The following PIK3C2G variants were observed in gnomAD, a reference collection of about 807,000 sequenced individuals.
PIK3C2G encodes the protein phosphatidylinositol-4-phosphate 3-kinase catalytic subunit type 2 gamma, also known as phosphatidylinositol 3-kinase C2 domain-containing subunit gamma.
PIK3C2G carries 168 observed loss-of-function variants against 181.1 expected under a neutral mutation model. The observed-to-expected ratio is 0.93, with a 90% CI of 0.82 to 1.05. The LOEUF is 1.05. Ranked by LOEUF, PIK3C2G falls within the 50% of genes least tolerant of loss-of-function variation. The pLI is 0.00. For missense variants in PIK3C2G, 1,869 were observed against 1,732.8 expected, an observed-to-expected ratio of 1.08 and a Z score of -1.40; for synonymous variants, 573 against 592.2, an observed-to-expected ratio of 0.97 and a Z score of 0.47.
rs542148275 is a variant in PIK3C2G at position 18,615,577 on chromosome 12, T to C, written c.4182+5948T>C. 1.2e-4 allele frequency among the ~76,000 whole-genome samples: 19 copies of C among 152,146 alleles called. No homozygotes were observed. In the South Asian group the frequency reaches 3.5e-3, roughly 28 times the overall value. On this transcript the variant is annotated intron_variant, in intron 31 of 32. Transcript: ENST00000538779. ...TTTCATATAATGACTTCTTTTCCTC[T>C]GGGTAGGTGCCCAGTAGTGAGATTG...
downstream of PIK3C2G, among the ~76,000 whole-genome samples, chr12:18,650,676 G>A (rs1299973649): frequency 8.6e-5 from 3 of 34,706 alleles, no homozygotes; most frequent in Non-Finnish European, 1.3e-4. Flanking sequence ...GTGTGTGTGT[G>A]TGTGTGTGTG....
intron 25 of PIK3C2G, among the ~76,000 whole-genome samples, chr12:18,539,667 T>G (rs1042615202): frequency 2.0e-5 from 3 of 151,928 alleles, no homozygotes; most frequent in African/African-American, 7.2e-5. Flanking sequence ...CATTGGTTAG[T>G]ACAGAACAAA....
At chr12:18,307,851 C>T (rs1405023104) in intron 5 of PIK3C2G, among the ~76,000 whole-genome samples, 1 of 151,702 alleles carries the variant, frequency 6.6e-6, no homozygotes, top group Non-Finnish European at 1.5e-5. Flanking sequence ...TTTCTACTAG[C>T]CACACTAAGA....
intron 1 of PIK3C2G, among the ~76,000 whole-genome samples, chr12:18,248,446 C>A (rs1948063561): frequency 6.6e-6 from 1 of 151,936 alleles, no homozygotes; most frequent in Non-Finnish European, 1.5e-5. Context: ...AGGTGGCGGG[C>A]GCTGTAGTCC....
intron 16 of PIK3C2G, among the ~76,000 whole-genome samples, chr12:18,420,581 T>C (rs1316998851): frequency 1.3e-5 from 2 of 152,142 alleles, no homozygotes; most frequent in African/African-American, 2.4e-5. Context: ...AGATTTCCAG[T>C]TGGTAATAAC....
chr12:18,706,164 G>T, the PIK3C2G span, among the ~76,000 whole-genome samples: 1 of 150,420 alleles, frequency 6.6e-6, no homozygotes, highest in Non-Finnish European at 1.5e-5. Context: ...ACCGGGAGGT[G>T]GAGGTTGCAG....
intron 14 of PIK3C2G, among the ~76,000 whole-genome samples, chr12:18,387,749 T>C (rs1943268053): frequency 6.6e-6 from 1 of 152,226 alleles, no homozygotes; most frequent in Non-Finnish European, 1.5e-5. Context: ...TGATCTCTGA[T>C]GGCATTGAAG....
At chr12:18,331,588 A>G (rs1937974171) in intron 8 of PIK3C2G, among the ~76,000 whole-genome samples, 1 of 151,992 alleles carries the variant, frequency 6.6e-6, no homozygotes, top group African/African-American at 2.4e-5. Flanking sequence ...TACATATACA[A>G]TCATGTCATC....
intron 11 of PIK3C2G, among the ~76,000 whole-genome samples, chr12:18,347,987 T>C (rs1320828380): frequency 2.0e-5 from 3 of 152,054 alleles, no homozygotes; most frequent in Non-Finnish European, 2.9e-5. Flanking sequence ...TTATTCTTTT[T>C]CCTTTTATAA....
At chr12:18,449,028 G>A (rs1343808471) in intron 18 of PIK3C2G, among the ~76,000 whole-genome samples, 2 of 151,896 alleles carry the variant, frequency 1.3e-5, no homozygotes, top group Non-Finnish European at 2.9e-5. Flanking sequence ...TGGATCATAT[G>A]GTAGTTCTAT....
At chr12:18,595,774 C>A (rs1483360137) in intron 30 of PIK3C2G, among the ~76,000 whole-genome samples, 1 of 152,056 alleles carries the variant, frequency 6.6e-6, no homozygotes, top group African/African-American at 2.4e-5. Context: ...TCTTGAAATT[C>A]TTAATAAGTT....
At position 18,362,833 on chromosome 12, in the gene PIK3C2G, C is replaced by T. The variant is rs1027191225; in HGVS notation, c.1695C>T (p.Tyr565=). Residue 565 remains tyrosine (Y), a synonymous_variant, in exon 12 of 33, where the codon TAC becomes TAT. Coordinates refer to ENST00000538779, the MANE Select transcript of PIK3C2G (RefSeq NM_001288772.2). ...AGKKLCQVRN[Y]RNIPDKKLFF... ...AGAAGCTGTGCCAAGTGAGAAACTA[C>T]AGAAATATTCCAGACAAGAAATTAT... is the stretch of plus-strand genomic sequence containing the variant. The T allele has an allele frequency of 1.3e-6, 2 of 1,519,930 alleles. No homozygotes were observed. Among genetic ancestry groups the T allele is most frequent in the African/African-American group, 1.4e-5 (1 of 72,354 alleles). The allele number at this position is 1,519,930 out of a possible 1,614,324, so 94.2% of individuals were successfully genotyped here.
chr12:18,470,859 T>C (rs1938385815), intron 18 of PIK3C2G, among the ~76,000 whole-genome samples: 1 of 152,160 alleles, frequency 6.6e-6, no homozygotes, highest in Admixed American at 6.6e-5. Context: ...AAATCAAAAT[T>C]AAATATTATA....
At chr12:18,425,370 T>C (rs1945737172) in intron 18 of PIK3C2G, among the ~76,000 whole-genome samples, 1 of 147,708 alleles carries the variant, frequency 6.8e-6, no homozygotes, top group Non-Finnish European at 1.5e-5. Context: ...TTTCTCTAGC[T>C]AAAGGACAGA....
chr12:18,542,501 C>T (rs761074599), intron 25 of PIK3C2G, among the ~76,000 whole-genome samples: 9 of 151,758 alleles, frequency 5.9e-5, no homozygotes, highest in African/African-American at 1.5e-4. Context: ...ATTATTTCAT[C>T]GCCCAGGTAT....
rs1311430045 is a variant in PIK3C2G at position 18,599,008 on chromosome 12, G to C, written c.4087+4439G>C. Among the ~76,000 whole-genome samples the C allele has an allele frequency of 5.9e-3, 887 of 150,670 alleles. 2 individuals are homozygous for C. Among genetic ancestry groups the C allele is most frequent in the Middle Eastern group, 0.01 (3 of 290 alleles). ...AAAAGTCAGGAAACAACAGGTGCTGGAGAGGATGTGGAGAAATAGGAACAC... is the reference window on the plus strand; with the variant it reads ...AAAAGTCAGGAAACAACAGGTGCTGCAGAGGATGTGGAGAAATAGGAACAC... On this transcript the variant is annotated intron_variant, in intron 30 of 32. Transcript: ENST00000538779.
intron 1 of PIK3C2G, among the ~76,000 whole-genome samples, chr12:18,280,576 T>C (rs1228022625): frequency 1.3e-5 from 2 of 151,770 alleles, no homozygotes; most frequent in Non-Finnish European, 2.9e-5. Flanking sequence ...TGAAACTGAG[T>C]AGCATAAGGT....
At chr12:18,357,724 G>A (rs936187529) in intron 11 of PIK3C2G, among the ~76,000 whole-genome samples, 3 of 152,198 alleles carry the variant, frequency 2.0e-5, no homozygotes, top group Non-Finnish European at 2.9e-5. Context: ...CATGTGCATT[G>A]TTGTATGGGA....
At position 18,288,034 on chromosome 12, in the gene PIK3C2G, C is replaced by T. The variant is rs1303354554; in HGVS notation, c.761+1105C>T. Among the ~76,000 whole-genome samples, 8 of 151,970 alleles carry T rather than the reference C, an allele frequency of 5.3e-5. No individual in the cohort carries two copies. The East Asian group carries it at 5.8e-4, about 11-fold the overall frequency. ...AAAATTAGCCAGGTATGTTGGCAGG[C>T]GCCTGTAATCCCAGCTACTCGGGAG... On this transcript the variant is annotated intron_variant, in intron 3 of 32. Transcript: ENST00000538779.
Sources: gnomAD v4.1 joint callset for allele counts (sites outside exome capture counted in the v4.1 genomes callset) on GRCh38, gnomAD v4.1.1 for gene constraint, MANE v1.5 for transcripts, NCBI Gene and HGNC (gene_info 2026-07-23, HGNC 2026-07-21) for gene names.